OSBP2: variants seen among roughly 807,000 people sequenced by gnomAD.
OSBP2 encodes the protein oxysterol binding protein 2.
In OSBP2, 66 loss-of-function variants were observed where a neutral mutation model predicts 96.0. The ratio of observed to expected loss-of-function variants is 0.69; its 90% CI spans 0.56 to 0.84. OSBP2 has a LOEUF of 0.84. Ranked by LOEUF, OSBP2 falls within the 40% of genes least tolerant of loss-of-function variation. OSBP2 has a pLI of 0.00. For missense variants in OSBP2, 1,038 were observed against 1,222.7 expected (o/e 0.85, Z 2.25); for synonymous variants, 525 against 520.9 (o/e 1.01, Z -0.11).
intron 1 of OSBP2, among the ~76,000 whole-genome samples, chr22:30,730,809 A>ATATAT (rs1569100787): frequency 9.4e-5 from 2 of 21,252 alleles, no homozygotes; most frequent in Non-Finnish European, 1.7e-4. Context: ...TATATATATA[A>ATATAT]TTTTTTTTTT....
intron 2 of OSBP2, among the ~76,000 whole-genome samples, chr22:30,810,069 C>T (rs1438597575): frequency 6.6e-6 from 1 of 152,036 alleles, no homozygotes; most frequent in Non-Finnish European, 1.5e-5. Context: ...AGGGGCAAGG[C>T]TGTGCTGGTG....
intron 2 of OSBP2, among the ~76,000 whole-genome samples, chr22:30,808,808 G>A (rs142819798): frequency 0.014 from 2,180 of 152,274 alleles, 29 homozygotes; most frequent in Middle Eastern, 0.048. Context: ...CAAAAAATTA[G>A]CCAGGCGTGG....
chr22:30,905,718 C>T (rs1381265864), intron 12 of OSBP2, 119 bp from the exon 13 acceptor site: 2 of 1,426,064 alleles, frequency 1.4e-6, no homozygotes, highest in African/African-American at 1.5e-5. Context: ...GTCCTGGACG[C>T]GGGGAGCTGG....
chr22:30,844,973 A>G (rs2038839290), intron 2 of OSBP2, among the ~76,000 whole-genome samples: 1 of 152,224 alleles, frequency 6.6e-6, no homozygotes, highest in Admixed American at 6.5e-5. Context: ...GAGGCTCAAG[A>G]AGGAGAGAGA....
chr22:30,858,382 A>G (rs1040618728), intron 2 of OSBP2, among the ~76,000 whole-genome samples: 27 of 150,332 alleles, frequency 1.8e-4, no homozygotes, highest in East Asian at 4.0e-4. Flanking sequence ...TCCTGACCTC[A>G]TGATCCACCC....
intron 12 of OSBP2, among the ~76,000 whole-genome samples, chr22:30,901,490 T>C (rs558012175): frequency 7.2e-5 from 11 of 152,376 alleles, no homozygotes; most frequent in African/African-American, 2.4e-4. Context: ...AACATGTATG[T>C]TGAAGAAGCT....
chr22:30,792,916 A>G (rs1433427735), intron 2 of OSBP2, among the ~76,000 whole-genome samples: 1 of 152,218 alleles, frequency 6.6e-6, no homozygotes, highest in East Asian at 1.9e-4. Context: ...GTTTACATGC[A>G]TTATGGGTCA....
At chr22:30,728,384 G>C (rs1381548424) in intron 1 of OSBP2, among the ~76,000 whole-genome samples, 1 of 127,220 alleles carries the variant, frequency 7.9e-6, no homozygotes, top group East Asian at 2.2e-4. Flanking sequence ...AACAGAGCAA[G>C]ACTCCGTCTC....
Position 30,871,733 on chromosome 22 carries a change from G to A in OSBP2, c.1107+1051G>A, listed in dbSNP as rs557883874. Among the ~76,000 whole-genome samples the A allele has an allele frequency of 2.3e-4, 35 of 152,342 alleles. No homozygotes were observed. In the East Asian group the frequency reaches 4.3e-3, roughly 19 times the overall value. On this transcript the variant is annotated intron_variant, in intron 3 of 13. Coordinates refer to ENST00000332585, the MANE Select transcript of OSBP2 (RefSeq NM_030758.4). This position sits in a 1 kb window ranked among gnomAD's most constrained non-coding sequence, Gnocchi z 4.7. ...GAGCTGGGACCAAGCTCCAGGCCCC[G>A]CAAGAAATGCAAGGGCAGGGTGGGA... is the stretch of plus-strand genomic sequence containing the variant.
chr22:30,699,519 A>G (rs1359931376), intron 1 of OSBP2, among the ~76,000 whole-genome samples: 3 of 152,228 alleles, frequency 2.0e-5, no homozygotes, highest in African/African-American at 7.2e-5. Context: ...TATATTCCCA[A>G]CGGTCATGAA....
At chr22:30,778,303 G>GCACACGCACA (rs1555912358) in intron 2 of OSBP2, among the ~76,000 whole-genome samples, 1 of 146,528 alleles carries the variant, frequency 6.8e-6, no homozygotes, top group Non-Finnish European at 1.5e-5. Context: ...GTGTGCATGT[G>GCACACGCACA]CACACACACA....
At chr22:30,698,182 A>G (rs2089086266) in intron 1 of OSBP2, among the ~76,000 whole-genome samples, 1 of 152,126 alleles carries the variant, frequency 6.6e-6, no homozygotes, top group African/African-American at 2.4e-5. Context: ...CATGTGTGTT[A>G]TCTCCTCCAG....
chr22:30,717,384 A>G (rs2089480139), intron 1 of OSBP2, among the ~76,000 whole-genome samples: 1 of 152,166 alleles, frequency 6.6e-6, no homozygotes, highest in East Asian at 1.9e-4. Context: ...CCACTGAGTC[A>G]TCTTGGCATC....
chr22:30,741,660 G>A (rs2089938690), intron 2 of OSBP2, among the ~76,000 whole-genome samples: 2 of 152,118 alleles, frequency 1.3e-5, no homozygotes, highest in South Asian at 4.1e-4. Context: ...GCTGCAGTGG[G>A]TTAGGTCCAG....
chr22:30,893,929 G>C lies in OSBP2; in HGVS notation c.2303G>C (p.Ser768Thr). 3.1e-6 allele frequency: 5 copies of C among 1,597,346 alleles called. No homozygotes were observed. Among genetic ancestry groups the C allele is most frequent in the Non-Finnish European group, 4.3e-6 (5 of 1,172,258 alleles). Residue 768 changes from serine (S) to threonine (T), a missense_variant, in exon 12 of 14, where the codon AGC (serine) becomes ACC (threonine). Ser to Thr is a moderately conservative substitution (Grantham distance 58, BLOSUM62 1). Coordinates refer to ENST00000332585, the MANE Select transcript of OSBP2 (RefSeq NM_030758.4). ...ATGCATAGCAGTCCCAGCAGCCCCA[G>C]CTCTGACGGGAAGCAGAAGACAGTG... ...KVMHSSPSSP[S>T]SDGKQKTVYQ... is the part of the protein sequence containing the mutation.
At chr22:30,891,251 GT>G (rs1312587586) in intron 8 of OSBP2, among the ~76,000 whole-genome samples, 2 of 152,212 alleles carry the variant, frequency 1.3e-5, no homozygotes, top group Non-Finnish European at 2.9e-5. Context: ...CCAGTCCAGG[GT>G]GTTGTGGAGC....
intron 2 of OSBP2, among the ~76,000 whole-genome samples, chr22:30,786,355 A>G (rs2090590484): frequency 6.6e-6 from 1 of 152,118 alleles, no homozygotes; most frequent in South Asian, 2.1e-4. Context: ...GTTAATATTT[A>G]CAATAAATAT....
intron 2 of OSBP2, among the ~76,000 whole-genome samples, chr22:30,799,644 A>G (rs2090822871): frequency 6.6e-6 from 1 of 152,256 alleles, no homozygotes; most frequent in African/African-American, 2.4e-5. Flanking sequence ...CTTTGCTCCT[A>G]GAAGAGTGTT....
Position 30,695,262 on chromosome 22 carries a change from C to G in OSBP2, c.353C>G (p.Pro118Arg), listed in dbSNP as rs1415677542. 6.2e-7 allele frequency: 1 copy of G among 1,613,454 alleles called. No individual in the cohort carries two copies. The highest frequency in any genetic ancestry group is 1.7e-5 in the Admixed American group (1 of 60,026). The change falls in exon 1 of 14, where the codon CCC (proline) becomes CGC (arginine). Residue 118 changes from proline to arginine, a missense_variant. Pro to Arg is a moderately radical substitution (Grantham distance 103, BLOSUM62 -2). This residue lies in a region of OSBP2 where 281 missense variants were observed against 273.4 expected (regional missense o/e 1.03). Transcript: ENST00000332585. Reference protein sequence around the residue: ...SESSSGVGAGPFTKAASEPLS... With the variant: ...SESSSGVGAGRFTKAASEPLS... Reference sequence around the variant, plus strand: ...TCAAGCTCAGGTGTAGGGGCTGGGCCCTTCACTAAGGCCGCATCGGAGCCG... The same window carrying G: ...TCAAGCTCAGGTGTAGGGGCTGGGCGCTTCACTAAGGCCGCATCGGAGCCG...
Sources: allele counts gnomAD v4.1 joint callset (sites outside exome capture counted in the v4.1 genomes callset), GRCh38; gene constraint gnomAD v4.1.1; regional missense constraint gnomAD v4.1.1; non-coding constraint Gnocchi (gnomAD v3.1); transcripts MANE v1.5; gene names NCBI Gene and HGNC (gene_info 2026-07-23, HGNC 2026-07-21).